SELENOF: variants seen among roughly 807,000 people sequenced by gnomAD.
SELENOF encodes selenoprotein F.
Under a neutral mutation model 20.5 loss-of-function variants are expected in SELENOF, and 16 were observed. That is an observed-to-expected ratio of 0.78 (90% CI 0.53 to 1.19). SELENOF has a LOEUF of 1.19. Ranked by LOEUF, SELENOF falls within the 50% of genes most tolerant of loss-of-function variation. The pLI, the probability that SELENOF is intolerant of heterozygous loss-of-function variation, is 0.00. For missense variants in SELENOF, 215 were observed against 194.2 expected (o/e 1.11, Z -0.64); for synonymous variants, 78 against 74.5 (o/e 1.05, Z -0.24).
intron 3 of SELENOF, among the ~76,000 whole-genome samples, chr1:86,868,909 CTAATATA>C (rs1444172710): frequency 3.9e-5 from 6 of 152,110 alleles, no homozygotes; most frequent in African/African-American, 7.2e-5. Flanking sequence ...TCTCTAACAT[CTAATATA>C]TAAAAGGGCT....
chr1:86,912,073 CT>C (rs1383773731), intron 1 of SELENOF, among the ~76,000 whole-genome samples: 2 of 152,156 alleles, frequency 1.3e-5, no homozygotes, highest in African/African-American at 4.8e-5. Context: ...CCAAAAATGA[CT>C]AATTTTTGGC....
chr1:86,914,513 C>T (rs950336388), upstream of SELENOF: 1 of 234,274 alleles, frequency 4.3e-6, no homozygotes, highest in African/African-American at 2.3e-5. Context: ...CGCAGGGGCT[C>T]TTCCGTCCAA....
At chr1:86,912,649 G>C (rs1019979262) in intron 1 of SELENOF, among the ~76,000 whole-genome samples, 1 of 152,166 alleles carries the variant, frequency 6.6e-6, no homozygotes, top group African/African-American at 2.4e-5. Flanking sequence ...TAGCCGACTG[G>C]AGGATGAGAG....
At chr1:86,910,559 C>A (rs1315972944) in intron 1 of SELENOF, among the ~76,000 whole-genome samples, 1 of 119,850 alleles carries the variant, frequency 8.3e-6, no homozygotes, top group East Asian at 2.0e-4. Context: ...CAAAAATTAG[C>A]TGTGCGTGGT....
chr1:86,866,290 A>G (rs1276114017), intron 4 of SELENOF, among the ~76,000 whole-genome samples: 1 of 146,348 alleles, frequency 6.8e-6, no homozygotes, highest in African/African-American at 2.5e-5. Flanking sequence ...CATTCTTAAA[A>G]AGGAAGGAAA....
intron 3 of SELENOF, among the ~76,000 whole-genome samples, chr1:86,875,421 T>C (rs1445554765): frequency 2.0e-5 from 3 of 152,132 alleles, no homozygotes; most frequent in Non-Finnish European, 4.4e-5. Context: ...TTATGACTTT[T>C]AGGAAAAGAT....
rs377177312 is a variant in SELENOF at position 86,863,562 on chromosome 1, T to A, written c.410A>T (p.Asn137Ile). 5 of 1,613,598 alleles carry A rather than the reference T, an allele frequency of 3.1e-6. No individual in the cohort carries two copies. Among genetic ancestry groups the A allele is most frequent in the Non-Finnish European group, 3.4e-6 (4 of 1,179,706 alleles). ...SDPVLKLLDD[N>I]GNIAEELSIL... ...GCTCAGTTCTTCAGCAATGTTCCCA[T>A]TGTCGTCCAAAAGCTTTAATACAGG... The change falls in exon 5 of 5, where the codon AAT (asparagine) becomes ATT (isoleucine). Residue 137 changes from asparagine (N) to isoleucine (I), a missense_variant. Transcript: ENST00000331835.
intron 4 of SELENOF, among the ~76,000 whole-genome samples, chr1:86,866,988 C>A (rs926552097): frequency 6.6e-6 from 1 of 152,160 alleles, no homozygotes; most frequent in Non-Finnish European, 1.5e-5. Context: ...TATGTGTACA[C>A]AGAAATTACA....
At chr1:86,884,201 T>C (rs1659151599) in intron 2 of SELENOF, among the ~76,000 whole-genome samples, 1 of 152,104 alleles carries the variant, frequency 6.6e-6, no homozygotes, top group Non-Finnish European at 1.5e-5. Flanking sequence ...ACTTCAAAAA[T>C]ATTTCAAGTT....
At chr1:86,868,643 G>A (rs1200030431) in intron 3 of SELENOF, among the ~76,000 whole-genome samples, 37 of 151,860 alleles carry the variant, frequency 2.4e-4, no homozygotes, top group Admixed American at 2.4e-3. Context: ...TCTGAGAAAG[G>A]TGCCAAACTG....
At chr1:86,865,578 C>A (rs758048944) in intron 4 of SELENOF, among the ~76,000 whole-genome samples, 1 of 152,112 alleles carries the variant, frequency 6.6e-6, no homozygotes, top group Non-Finnish European at 1.5e-5. Context: ...GAGACAGTAC[C>A]TCATACCTAT....
At chr1:86,911,719 G>T (rs904151172) in intron 1 of SELENOF, among the ~76,000 whole-genome samples, 1 of 151,872 alleles carries the variant, frequency 6.6e-6, no homozygotes, top group Non-Finnish European at 1.5e-5. Context: ...CTGGCTTAGA[G>T]ATTTTTAAGG....
intron 2 of SELENOF, among the ~76,000 whole-genome samples, chr1:86,897,171 G>A (rs1471126036): frequency 6.6e-6 from 1 of 152,044 alleles, no homozygotes; most frequent in Admixed American, 6.6e-5. Flanking sequence ...GCTGGGCGTG[G>A]TGGCGGGTGG....
chr1:86,873,092 T>TAAAA (rs1553125408), intron 3 of SELENOF, among the ~76,000 whole-genome samples: 16 of 135,928 alleles, frequency 1.2e-4, no homozygotes, highest in Admixed American at 1.0e-3. Flanking sequence ...AATAAATAAA[T>TAAAA]AAAATAAAAA....
At chr1:86,887,150 A>G in intron 2 of SELENOF, 1 of 1,535,176 alleles carries the variant, frequency 6.5e-7, no homozygotes, top group Non-Finnish European at 8.8e-7. Flanking sequence ...ACACTTTCAT[A>G]CTCACTTTGA....
intron 2 of SELENOF, among the ~76,000 whole-genome samples, chr1:86,891,778 T>C (rs183895530): frequency 1.3e-5 from 2 of 152,272 alleles, no homozygotes; most frequent in Admixed American, 1.3e-4. Context: ...TCTCTATGCC[T>C]AAGACTCAAC....
chr1:86,887,571 C>CA (rs1299381161), intron 2 of SELENOF, among the ~76,000 whole-genome samples: 16 of 151,936 alleles, frequency 1.1e-4, no homozygotes, highest in South Asian at 2.1e-4. Flanking sequence ...TGAAAATATA[C>CA]AAAAAAACCC....
In SELENOF at chr1:86,868,086, A is replaced by C. The variant is rs376208431; in HGVS notation, c.333T>G (p.Asp111Glu). ...FPQVQAFVRS[D>E]KPKLFRGLQI... The stretch of plus-strand genomic sequence containing the variant: ...GCAGTCCTCTGAACAGTTTGGGTTT[A>C]TCACTCCTAACAAAAGCTTATAAAA... The change falls in exon 4 of 5, where the codon GAT becomes GAG. Residue 111 changes from aspartate (D) to glutamate (E), a missense_variant. Asp to Glu is a conservative substitution (Grantham distance 45). Coordinates refer to ENST00000331835, the MANE Select transcript of SELENOF (RefSeq NM_004261.5). The C allele has an allele frequency of 6.6e-7, 1 of 1,522,702 alleles. No homozygotes were observed. The highest frequency in any genetic ancestry group is 1.4e-5 in the African/African-American group (1 of 71,786). The allele number at this position is 1,522,702 out of a possible 1,614,324, so 94.3% of individuals were successfully genotyped here.
intron 4 of SELENOF, among the ~76,000 whole-genome samples, chr1:86,866,676 A>G (rs1308015298): frequency 6.6e-6 from 1 of 152,236 alleles, no homozygotes; most frequent in African/African-American, 2.4e-5. Flanking sequence ...CACCAAAGAC[A>G]CACAGATGGC....
Sources: gnomAD v4.1 joint callset for allele counts (sites outside exome capture counted in the v4.1 genomes callset) on GRCh38, gnomAD v4.1.1 for gene constraint, MANE v1.5 for transcripts, NCBI Gene and HGNC (gene_info 2026-07-23, HGNC 2026-07-21) for gene names.